The following VPS13D variants were observed in gnomAD, a reference collection of about 807,000 sequenced individuals.
VPS13D encodes intermembrane lipid transfer protein VPS13D.
A neutral mutation model predicts 461.9 loss-of-function variants in VPS13D; 187 were observed. The observed-to-expected ratio is 0.40, with a 90% confidence interval of 0.36 to 0.46. VPS13D has a LOEUF of 0.46. Among genes scored for constraint, VPS13D ranks in the 20% least tolerant of loss-of-function variants. The pLI is 0.60. For missense variants in VPS13D, 4,711 were observed against 5,364.9 expected, an observed-to-expected ratio of 0.88 and a Z score of 3.81; for synonymous variants, 1,951 against 1,986.3, an observed-to-expected ratio of 0.98 and a Z score of 0.47.
At chr1:12,390,033 G>A (rs1350129847) in intron 60 of VPS13D, among the ~76,000 whole-genome samples, 1 of 152,230 alleles carries the variant, frequency 6.6e-6, no homozygotes, top group African/African-American at 2.4e-5. Context: ...AGCCCAAAGT[G>A]TCCAGGTGGT....
In VPS13D at chr1:12,356,084, A is replaced by G. The variant is rs1381535717; in HGVS notation, c.9865A>G (p.Lys3289Glu). Residue 3289 changes from lysine (K) to glutamate (E), a missense_variant, in exon 48 of 70, where the codon AAA becomes GAA. Lys to Glu is a moderately conservative substitution (Grantham distance 56, BLOSUM62 1). Coordinates refer to ENST00000620676, the MANE Select transcript of VPS13D (RefSeq NM_015378.4). ...TTCTGCTCCATATTGGCTGATTAAC[A>G]AAACAGGTACATACAGGGGCTGCTC... ...FISAPYWLIN[K>E]TGLPLIFRQD... 1.2e-6 allele frequency: 2 copies of G among 1,609,366 alleles called. No homozygotes were observed. Among genetic ancestry groups the G allele is most frequent in the Non-Finnish European group, 1.7e-6 (2 of 1,177,150 alleles).
chr1:12,389,290 A>G (rs1008510266), intron 60 of VPS13D, among the ~76,000 whole-genome samples: 1 of 152,188 alleles, frequency 6.6e-6, no homozygotes, highest in Non-Finnish European at 1.5e-5. Context: ...ACCCTCACAG[A>G]CACACCCAGG....
At chr1:12,341,381 G>A (rs1430122867) in intron 40 of VPS13D, among the ~76,000 whole-genome samples, 1 of 152,150 alleles carries the variant, frequency 6.6e-6, no homozygotes, top group Non-Finnish European at 1.5e-5. Context: ...CTTCCTTAAG[G>A]TAAAGGCTTT....
chr1:12,383,860 G>T (rs762508580), intron 58 of VPS13D, among the ~76,000 whole-genome samples: 3 of 152,174 alleles, frequency 2.0e-5, no homozygotes, highest in Non-Finnish European at 4.4e-5. Flanking sequence ...AATGACATAC[G>T]ATGTGGAAGT....
In VPS13D at chr1:12,335,588, C is replaced by T. The variant is rs1643431339; in HGVS notation, c.8429-117C>T. On this transcript the variant is annotated intron_variant, in intron 38 of 69. Transcript: ENST00000620676. ...GCATAGACTTTCTCGGAATCTAGCA[C>T]AGGCCAGGCATGTAATGAGACACTC... 11 of 1,320,908 alleles carry T rather than the reference C, an allele frequency of 8.3e-6. No homozygotes were observed. The South Asian group carries it at 1.4e-4, about 17-fold the overall frequency. 81.8% of individuals were successfully genotyped at this position (1,320,908 alleles called of 1,614,324 possible). A position where few individuals can be genotyped will look rare whatever the true frequency, so the allele number is the denominator to read the frequency against.
At chr1:12,272,806 G>C (rs926977308) in intron 17 of VPS13D, among the ~76,000 whole-genome samples, 197 bp from the exon 18 acceptor site, 1 of 151,806 alleles carries the variant, frequency 6.6e-6, no homozygotes, top group African/African-American at 2.4e-5. Flanking sequence ...TTTCTCCCCT[G>C]TTCAGATACT....
Position 12,358,503 on chromosome 1 carries a change from C to T in VPS13D, c.10043C>T (p.Pro3348Leu), listed in dbSNP as rs1643907088. Reference sequence around the variant, plus strand: ...AGGGGGATTCATCCAGAAGGCATGCCGGGCTGGTGTCAGGGCTTCTCCCTG... The same window carrying T: ...AGGGGGATTCATCCAGAAGGCATGCTGGGCTGGTGTCAGGGCTTCTCCCTG... ...IGRGIHPEGM[P>L]GWCQGFSLDG... The change falls in exon 50 of 70, where the codon CCG (proline) becomes CTG (leucine). Residue 3348 changes from proline (P) to leucine (L), a missense_variant. By Grantham distance (98) the Pro-to-Leu change is moderately conservative. Coordinates refer to ENST00000620676, the MANE Select transcript of VPS13D (RefSeq NM_015378.4). The T allele has an allele frequency of 1.2e-6, 2 of 1,614,022 alleles. No individual in the cohort carries two copies. The highest frequency in any genetic ancestry group is 1.7e-5 in the Admixed American group (1 of 59,986).
chr1:12,260,846 C>T (rs1641084893), intron 11 of VPS13D, 52 bp downstream of exon 11: 1 of 1,609,612 alleles, frequency 6.2e-7, no homozygotes. Flanking sequence ...ACCCTGAGTG[C>T]TACAGTTTTG....
At chr1:12,392,601 G>C (rs959967126) in intron 60 of VPS13D, among the ~76,000 whole-genome samples, 1 of 150,826 alleles carries the variant, frequency 6.6e-6, no homozygotes, top group African/African-American at 2.4e-5. Context: ...TTCAGGTTGC[G>C]TGGTGACTTG....
In VPS13D at chr1:12,406,966, G is replaced by A. The variant is rs368197495; in HGVS notation, c.12030+2993G>A. Among the ~76,000 whole-genome samples, 53 of 152,144 alleles carry A rather than the reference G, an allele frequency of 3.5e-4. 3 individuals are homozygous for A. Among genetic ancestry groups the A allele is most frequent in the Admixed American group, 2.1e-3 (32 of 15,280 alleles). On this transcript the variant is annotated intron_variant, in intron 63 of 69. Coordinates refer to ENST00000620676, the MANE Select transcript of VPS13D (RefSeq NM_015378.4). The stretch of plus-strand genomic sequence containing the variant: ...GAGGGTGGGGGTTAGGGGGAGTTTC[G>A]AACAAAGACACTATTTAAAAAGCCT...
intron 65 of VPS13D, among the ~76,000 whole-genome samples, chr1:12,440,971 G>A (rs1170578366): frequency 6.6e-6 from 1 of 152,026 alleles, no homozygotes; most frequent in African/African-American, 2.4e-5. Context: ...TGTCACCCAG[G>A]GTGGAGTGCA....
rs186659969 is a variant in VPS13D at position 12,290,617 on chromosome 1, C to T, written c.5726-381C>T. ...GGCACCTGTAGTCCCAGCTACTCGG[C>T]GGGGCTGAGGCAGGAGAATGGCGTG... On this transcript the variant is annotated intron_variant, in intron 22 of 69. Transcript: ENST00000620676. Among the ~76,000 whole-genome samples, 388 of 151,306 alleles carry T rather than the reference C, an allele frequency of 2.6e-3. 1 individual carries two copies. Among genetic ancestry groups the T allele is most frequent in the East Asian group, 0.011 (55 of 5,126 alleles).
Position 12,348,806 on chromosome 1 carries a change from T to C in VPS13D, c.9070-17T>C, listed in dbSNP as rs768610494. The C allele has an allele frequency of 1.9e-5, 31 of 1,612,828 alleles. No individual in the cohort carries two copies. The highest frequency in any genetic ancestry group is 2.5e-5 in the Non-Finnish European group (29 of 1,178,998). On this transcript the variant is annotated splice_polypyrimidine_tract_variant and intron_variant, in intron 44 of 69. Transcript: ENST00000620676. ...TTTCAGAAACATAACTATTTTGTCT[T>C]TATCGCTCTTTCACAGTTCTCTTCA...
chr1:12,373,895 T>A (rs778641160), intron 55 of VPS13D, 37 bp downstream of exon 55: 3 of 1,505,424 alleles, frequency 2.0e-6, no homozygotes, highest in Non-Finnish European at 2.7e-6. Context: ...GAATACAAGG[T>A]TTTTAGCACT....
chr1:12,363,441 A>G (rs184533216), intron 52 of VPS13D, among the ~76,000 whole-genome samples, 194 bp downstream of exon 52: 29 of 152,286 alleles, frequency 1.9e-4, no homozygotes, highest in African/African-American at 7.0e-4. Flanking sequence ...CGTTTTGACC[A>G]TGGTGTAATT....
At position 12,500,196 on chromosome 1, in the gene VPS13D, A is replaced by C. The variant is rs990076749; in HGVS notation, c.12794+2565A>C. 8.1e-6 allele frequency: 8 copies of C among 984,284 alleles called. No individual in the cohort carries two copies. The South Asian group carries it at 3.3e-4, about 40-fold the overall frequency. 61.0% of individuals were successfully genotyped at this position (984,284 alleles called of 1,614,324 possible). A position where few individuals can be genotyped will look rare whatever the true frequency, so the allele number is the denominator to read the frequency against. On this transcript the variant is annotated intron_variant, in intron 68 of 69. Transcript: ENST00000620676. Reference sequence around the variant, plus strand: ...TTTTGTCATTCTATTTAATTAATTAATATTAAAAAGATAGTTACCAACGTA... The same window carrying C: ...TTTTGTCATTCTATTTAATTAATTACTATTAAAAAGATAGTTACCAACGTA...
At chr1:12,493,158 A>G (rs1645907471) in intron 67 of VPS13D, among the ~76,000 whole-genome samples, 1 of 150,340 alleles carries the variant, frequency 6.7e-6, no homozygotes, top group Admixed American at 6.6e-5. Flanking sequence ...TGAGGATAAT[A>G]AGCCCAGTCC....
chr1:12,416,125 G>C (rs758516242), intron 64 of VPS13D, among the ~76,000 whole-genome samples: 1 of 152,348 alleles, frequency 6.6e-6, no homozygotes, highest in Non-Finnish European at 1.5e-5. Flanking sequence ...CAAGGCTGCA[G>C]TGAGCCACGG....
At chr1:12,234,865 G>C (rs1640096222) in intron 2 of VPS13D, among the ~76,000 whole-genome samples, 1 of 152,188 alleles carries the variant, frequency 6.6e-6, no homozygotes, top group South Asian at 2.1e-4. Context: ...CTCAATAAAA[G>C]TTTTAAAATT....
Sources: allele counts gnomAD v4.1 joint callset (sites outside exome capture counted in the v4.1 genomes callset), GRCh38; gene constraint gnomAD v4.1.1; transcripts MANE v1.5; gene names NCBI Gene and HGNC (gene_info 2026-07-23, HGNC 2026-07-21).